The following KALRN variants were observed in gnomAD, a reference collection of about 807,000 sequenced individuals.
KALRN encodes the protein kalirin.
KALRN carries 70 observed loss-of-function variants against 353.7 expected under a neutral mutation model. The observed-to-expected ratio is 0.20, with a 90% confidence interval of 0.16 to 0.24. KALRN has a LOEUF of 0.24. KALRN is among the 10% of genes least tolerant of loss of function. The pLI is 1.00. For missense variants in KALRN, 2,791 were observed against 3,756.7 expected, an observed-to-expected ratio of 0.74 and a Z score of 6.72; for synonymous variants, 1,391 against 1,434.8, an observed-to-expected ratio of 0.97 and a Z score of 0.69.
intron 14 of KALRN, among the ~76,000 whole-genome samples, chr3:124,414,747 C>T (rs747165320): frequency 1.4e-4 from 22 of 152,276 alleles, no homozygotes; most frequent in Admixed American, 6.5e-4. Context: ...CTCTACCTTC[C>T]GACCCACTCC....
intron 17 of KALRN, among the ~76,000 whole-genome samples, chr3:124,436,097 A>G (rs1382980513): frequency 6.6e-6 from 1 of 152,240 alleles, no homozygotes; most frequent in Admixed American, 6.5e-5. Context: ...AAAAAATTCA[A>G]TGAGTGAAGG....
At position 124,488,608 on chromosome 3, in the gene KALRN, G is replaced by T. The variant is rs188645915; in HGVS notation, c.4396+293G>T. 3.0e-5 allele frequency: 9 copies of T among 304,536 alleles called. No homozygotes were observed. The East Asian group carries it at 4.9e-4, about 16-fold the overall frequency. The allele number at this position is 304,536 out of a possible 1,614,324, so 18.9% of individuals were successfully genotyped here. On this transcript the variant is annotated intron_variant, in intron 29 of 59. Transcript: ENST00000682506. ...TCACCCTCACTGTTGATGTGCTAGA[G>T]CTTCCAACCTACAGCAGTCTTGTTA...
intron 3 of KALRN, among the ~76,000 whole-genome samples, chr3:124,250,000 C>T (rs190687398): frequency 2.9e-4 from 44 of 152,218 alleles, no homozygotes; most frequent in African/African-American, 7.2e-4. Context: ...GGGTAACAGC[C>T]GCCTGCCCTG....
chr3:124,101,370 T>G (rs2061848772), intron 1 of KALRN, among the ~76,000 whole-genome samples: 2 of 152,230 alleles, frequency 1.3e-5, no homozygotes. Context: ...GTCCATATTC[T>G]GCCAGAATTA....
At chr3:124,216,849 C>T (rs1018732180) in intron 1 of KALRN, among the ~76,000 whole-genome samples, 12 of 152,198 alleles carry the variant, frequency 7.9e-5, no homozygotes, top group African/African-American at 2.7e-4. Context: ...CTCCAGCAAA[C>T]ATTAACTCAT....
rs978560605 is a variant in KALRN, at chr3:124,033,702, C to T, written c.-39C>T. Among the ~76,000 whole-genome samples the T allele has an allele frequency of 5.9e-5, 9 of 152,002 alleles. No individual in the cohort carries two copies. Among genetic ancestry groups the T allele is most frequent in the African/African-American group, 1.7e-4 (7 of 41,420 alleles). ...CCGAGCAGCCCTCGGCCCCAGGCTT[C>T]TTCGGCTCCCGGCTGCCCGCGGACG... On this transcript the variant is annotated 5_prime_UTR_variant, in exon 1 of 60. Transcript: ENST00000682506. This position sits in a 1 kb window ranked among gnomAD's most constrained non-coding sequence, Gnocchi z 6.2.
intron 1 of KALRN, among the ~76,000 whole-genome samples, chr3:124,100,092 A>T (rs927752699): frequency 6.6e-6 from 1 of 152,128 alleles, no homozygotes; most frequent in Non-Finnish European, 1.5e-5. Flanking sequence ...TGAACTAGGG[A>T]GGCAGAGGTT....
chr3:124,193,716 C>T (rs1414521493), intron 1 of KALRN, among the ~76,000 whole-genome samples: 1 of 151,892 alleles, frequency 6.6e-6, no homozygotes, highest in East Asian at 1.9e-4. Context: ...AGTGATGACC[C>T]CTCTTTAACC....
intron 10 of KALRN, among the ~76,000 whole-genome samples, chr3:124,371,384 G>T (rs957324695): frequency 2.6e-5 from 4 of 152,170 alleles, no homozygotes; most frequent in African/African-American, 9.7e-5. Flanking sequence ...GAATAGTGCT[G>T]CAGTAAACAT....
chr3:124,610,821 G>A (rs1018164538), intron 34 of KALRN, among the ~76,000 whole-genome samples: 1 of 150,742 alleles, frequency 6.6e-6, no homozygotes, highest in South Asian at 2.1e-4. Flanking sequence ...GATTAGCCTA[G>A]GCAACATAGT....
intron 33 of KALRN, chr3:124,505,041 C>G (rs2065060144): frequency 2.1e-6 from 1 of 468,480 alleles, no homozygotes; most frequent in African/African-American, 2.0e-5. Flanking sequence ...AAGCTTGGAG[C>G]CTGCAGGTAG....
In KALRN at chr3:124,286,164, C is replaced by T. The variant is rs758172607; in HGVS notation, c.970-12627C>T. Among the ~76,000 whole-genome samples the T allele has an allele frequency of 1.5e-4, 14 of 96,448 alleles. No individual in the cohort carries two copies. In the Admixed American group the frequency reaches 1.5e-3, roughly 11 times the overall value. 63.3% of individuals were successfully genotyped at this position (96,448 alleles called of 152,430 possible). A position where few individuals can be genotyped will look rare whatever the true frequency, so the allele number is the denominator to read the frequency against. ...CCTTTCTTTCTTTCCTTTCTTTCGT[C>T]TTTCTTTCTTTCTCTTTCTTCCTTC... On this transcript the variant is annotated intron_variant, in intron 5 of 59. Transcript: ENST00000682506.
chr3:124,113,833 G>A (rs1178891817), intron 1 of KALRN, among the ~76,000 whole-genome samples: 2 of 152,182 alleles, frequency 1.3e-5, no homozygotes, highest in Non-Finnish European at 2.9e-5. Context: ...TACATGAACT[G>A]GCAGGCATTA....
chr3:124,287,407 G>A (rs2076006955), intron 5 of KALRN, among the ~76,000 whole-genome samples: 1 of 151,818 alleles, frequency 6.6e-6, no homozygotes, highest in Admixed American at 6.6e-5. Flanking sequence ...CCAAATCTCA[G>A]CCTCCTTACC....
chr3:124,604,249 A>C (rs2077096343), intron 34 of KALRN, among the ~76,000 whole-genome samples: 1 of 152,074 alleles, frequency 6.6e-6, no homozygotes, highest in Admixed American at 6.5e-5. Context: ...GCGCGCACCC[A>C]CTAACTCGTC....
At chr3:124,654,093 G>C (rs1030552921) in intron 38 of KALRN, among the ~76,000 whole-genome samples, 2 of 152,234 alleles carry the variant, frequency 1.3e-5, no homozygotes, top group African/African-American at 4.8e-5. Context: ...CATCTCCAGA[G>C]GGCCCTCCCA....
rs543596975 is a variant in KALRN at position 124,438,012 on chromosome 3, T to C, written c.3049-876T>C. Among the ~76,000 whole-genome samples the C allele has an allele frequency of 2.2e-3, 328 of 152,324 alleles. 1 individual carries two copies. Among genetic ancestry groups the C allele is most frequent in the Middle Eastern group, 3.4e-3 (1 of 294 alleles). On this transcript the variant is annotated intron_variant, in intron 17 of 59. Transcript: ENST00000682506. ...TGTATTATTTTTTATTGCTATACTT[T>C]TTAACTAAGTATTTTCAATCCATAG...
intron 34 of KALRN, chr3:124,584,902 T>TAG (rs2074989965): frequency 6.2e-7 from 1 of 1,601,776 alleles, no homozygotes; most frequent in East Asian, 2.3e-5. Flanking sequence ...GCTTCCCGTG[T>TAG]AGAGGTGAGT....
At chr3:124,662,978 A>G (rs1367932518) in intron 45 of KALRN, among the ~76,000 whole-genome samples, 4 of 151,642 alleles carry the variant, frequency 2.6e-5, no homozygotes, top group Admixed American at 6.6e-5. Flanking sequence ...TTTTTTTTTA[A>G]ACAGAGTTTT....
Sources: gnomAD v4.1 joint callset for allele counts (sites outside exome capture counted in the v4.1 genomes callset) on GRCh38, gnomAD v4.1.1 for gene constraint, Gnocchi (gnomAD v3.1) non-coding constraint, MANE v1.5 for transcripts, NCBI Gene and HGNC (gene_info 2026-07-23, HGNC 2026-07-21) for gene names.